Variants in EPB41L3 observed in about 807,000 individuals in gnomAD.
EPB41L3 encodes erythrocyte membrane protein band 4.1 like 3.
A neutral mutation model predicts 127.1 loss-of-function variants in EPB41L3; 57 were observed. The ratio of observed to expected loss-of-function variants is 0.45; its 90% CI spans 0.36 to 0.56. The LOEUF is 0.56. Among genes scored for constraint, EPB41L3 ranks in the 20% least tolerant of loss-of-function variants. EPB41L3 has a pLI of 0.00. For missense variants in EPB41L3, 1,273 were observed against 1,372.2 expected, an observed-to-expected ratio of 0.93 and a Z score of 1.14; for synonymous variants, 572 against 549.5, an observed-to-expected ratio of 1.04 and a Z score of -0.57.
In EPB41L3 at chr18:5,538,996, T is replaced by A. The variant is rs1265854440; in HGVS notation, c.-12+4917A>T. On this transcript the variant is annotated intron_variant, in intron 1 of 22. Transcript: ENST00000341928. ...AGTGCTTTTTAAGCTTTCTCCAAGATTTTTTTTTTTTTTTTTTTTTTTGGT... is the reference window on the plus strand; with the variant it reads ...AGTGCTTTTTAAGCTTTCTCCAAGAATTTTTTTTTTTTTTTTTTTTTTGGT... Among the ~76,000 whole-genome samples the A allele has an allele frequency of 6.0e-5, 3 of 49,874 alleles. No individual in the cohort carries two copies. In the Admixed American group the frequency reaches 6.1e-4, roughly 10 times the overall value. The allele number at this position is 49,874 out of a possible 152,430, so 32.7% of individuals were successfully genotyped here. A position where few individuals can be genotyped will look rare whatever the true frequency, so the allele number is the denominator to read the frequency against.
intron 1 of EPB41L3, among the ~76,000 whole-genome samples, chr18:5,514,716 T>C (rs1348965190): frequency 6.6e-6 from 1 of 152,170 alleles, no homozygotes; most frequent in Non-Finnish European, 1.5e-5. Flanking sequence ...TATCGCTTCC[T>C]TGGTATTACT....
chr18:5,512,369 G>C (rs1301014685), intron 1 of EPB41L3, among the ~76,000 whole-genome samples: 2 of 152,150 alleles, frequency 1.3e-5, no homozygotes, highest in Admixed American at 1.3e-4. Context: ...AGTGAAATCT[G>C]ATATCCAAAG....
intron 3 of EPB41L3, among the ~76,000 whole-genome samples, chr18:5,589,109 C>A (rs571761200): frequency 6.6e-6 from 1 of 152,206 alleles, no homozygotes; most frequent in South Asian, 2.1e-4. Flanking sequence ...TTTATTACAA[C>A]TAAAGACATA....
At chr18:5,476,764 A>G (rs2037610032) in intron 3 of EPB41L3, among the ~76,000 whole-genome samples, 1 of 152,254 alleles carries the variant, frequency 6.6e-6, no homozygotes, top group African/African-American at 2.4e-5. Flanking sequence ...GTTTCATAGT[A>G]AAACCCAGCT....
At chr18:5,610,736 T>C (rs1270534086) in intron 3 of EPB41L3, among the ~76,000 whole-genome samples, 1 of 152,186 alleles carries the variant, frequency 6.6e-6, no homozygotes, top group African/African-American at 2.4e-5. Context: ...TTAGTTGTGC[T>C]ACCAGTCAGA....
intron 15 of EPB41L3, chr18:5,407,390 A>G: frequency 2.4e-6 from 1 of 423,488 alleles, no homozygotes; most frequent in Non-Finnish European, 4.2e-6. Flanking sequence ...TTACACTAAA[A>G]GAAAAACAAC....
intron 3 of EPB41L3, among the ~76,000 whole-genome samples, chr18:5,457,380 C>T (rs2083270013): frequency 6.6e-6 from 1 of 151,576 alleles, no homozygotes; most frequent in Admixed American, 6.6e-5. Flanking sequence ...TGCTCCCCTG[C>T]TTTTTTGGAA....
At chr18:5,630,222 A>G (rs1483159776), upstream of EPB41L3, among the ~76,000 whole-genome samples, 1 of 152,064 alleles carries the variant, frequency 6.6e-6, no homozygotes, top group Admixed American at 6.5e-5. Flanking sequence ...GGACCCGGCC[A>G]GGCAGCCCCC....
At position 5,478,359 on chromosome 18, in the gene EPB41L3, G is replaced by A. The variant is rs749836610; in HGVS notation, c.263C>T (p.Ser88Phe). ...GAGTTTACTGCTAGATGATTTCTGAGAAAGTTTATCGTCTTCTAATTGCTG... is the reference window on the plus strand; with the variant it reads ...GAGTTTACTGCTAGATGATTTCTGAAAAAGTTTATCGTCTTCTAATTGCTG... Reference protein sequence around the residue: ...EYQQLEDDKLSQKSSSSKLSR... With the variant: ...EYQQLEDDKLFQKSSSSKLSR... Residue 88 changes from serine (S) to phenylalanine (F), a missense_variant, in exon 3 of 23, where the codon TCT becomes TTT. Physicochemically the swap from Ser to Phe is radical, Grantham distance 155 (BLOSUM62 -2). This residue lies in a region of EPB41L3 where 182 missense variants were observed against 149.2 expected (regional missense o/e 1.22). Coordinates refer to ENST00000341928, the MANE Select transcript of EPB41L3 (RefSeq NM_012307.5). 2 of 1,614,118 alleles carry A rather than the reference G, an allele frequency of 1.2e-6. No individual in the cohort carries two copies. The highest frequency in any genetic ancestry group is 4.5e-5 in the East Asian group (2 of 44,874).
chr18:5,622,655 G>A (rs1262111056), intron 1 of EPB41L3, among the ~76,000 whole-genome samples: 3 of 152,132 alleles, frequency 2.0e-5, no homozygotes, highest in Non-Finnish European at 4.4e-5. Flanking sequence ...CGTTCAAAGA[G>A]ACAACTATTT....
chr18:5,492,046 G>A (rs771223640), intron 1 of EPB41L3, among the ~76,000 whole-genome samples: 3 of 152,124 alleles, frequency 2.0e-5, no homozygotes, highest in Admixed American at 6.5e-5. Context: ...CTGGCTGGGC[G>A]CAGTGGCTTA....
At chr18:5,413,068 G>T (rs1157575810) in intron 13 of EPB41L3, among the ~76,000 whole-genome samples, 1 of 152,002 alleles carries the variant, frequency 6.6e-6, no homozygotes, top group Non-Finnish European at 1.5e-5. Flanking sequence ...TATAGCAACT[G>T]GTATTTCTAT....
intron 1 of EPB41L3, among the ~76,000 whole-genome samples, chr18:5,516,044 G>T (rs1410369106): frequency 2.0e-5 from 3 of 152,172 alleles, no homozygotes; most frequent in African/African-American, 4.8e-5. Context: ...CATGCTAACA[G>T]CTGATAGCCG....
chr18:5,489,353 A>G, intron 1 of EPB41L3, 159 bp from the exon 2 acceptor site: 4 of 754,702 alleles, frequency 5.3e-6, no homozygotes, highest in Non-Finnish European at 7.9e-6. Flanking sequence ...TGACTTGTCA[A>G]CTTCACCACT....
chr18:5,409,659 T>C (rs989394302), intron 14 of EPB41L3, among the ~76,000 whole-genome samples: 1 of 151,742 alleles, frequency 6.6e-6, no homozygotes, highest in Non-Finnish European at 1.5e-5. Context: ...CTTACAATAT[T>C]TTTAGTTTTT....
At chr18:5,542,702 C>A (rs1461131608) in intron 1 of EPB41L3, among the ~76,000 whole-genome samples, 2 of 151,976 alleles carry the variant, frequency 1.3e-5, no homozygotes, top group Non-Finnish European at 2.9e-5. Flanking sequence ...AACTTTAACC[C>A]TGGGCTGCAA....
chr18:5,566,449 A>G (rs139248601), intron 3 of EPB41L3, among the ~76,000 whole-genome samples: 5,705 of 152,268 alleles, frequency 0.037, 132 homozygotes, highest in African/African-American at 0.051. Flanking sequence ...CCACTGCTTA[A>G]TGAAATAAAA....
rs757227800 is a variant in EPB41L3, at chr18:5,538,995, ATTTTTTTTT to A, written c.-12+4909_-12+4917del. Among the ~76,000 whole-genome samples, 4 of 115,212 alleles carry A rather than the reference ATTTTTTTTT, an allele frequency of 3.5e-5. No homozygotes were observed. In the South Asian group the frequency reaches 9.4e-4, roughly 27 times the overall value. 75.6% of individuals were successfully genotyped at this position (115,212 alleles called of 152,430 possible). ...CAGTGCTTTTTAAGCTTTCTCCAAG[ATTTTTTTTT>A]TTTTTTTTTTTTTTGGTAGTAAAGC... On this transcript the variant is annotated intron_variant, in intron 1 of 22. Transcript: ENST00000341928.
intron 22 of EPB41L3, chr18:5,393,970 A>G (rs2072861540): frequency 1.9e-5 from 3 of 158,930 alleles, no homozygotes; most frequent in African/African-American, 7.2e-5. Flanking sequence ...GCTCACATAG[A>G]TGATATAGTC....
Sources: allele counts gnomAD v4.1 joint callset (sites outside exome capture counted in the v4.1 genomes callset), GRCh38; gene constraint gnomAD v4.1.1; regional missense constraint gnomAD v4.1.1; transcripts MANE v1.5; gene names NCBI Gene and HGNC (gene_info 2026-07-23, HGNC 2026-07-21).